The following CUEDC1 variants were observed in gnomAD, a reference collection of about 807,000 sequenced individuals.
CUEDC1 encodes the protein CUE domain-containing protein 1.
In CUEDC1, 30 loss-of-function variants were observed where a neutral mutation model predicts 43.7. The observed-to-expected ratio is 0.69, with a 90% CI of 0.51 to 0.93. The LOEUF (loss-of-function observed/expected upper bound fraction) is 0.93, where lower values mean the gene tolerates loss of function less well. CUEDC1 is among the 40% of genes least tolerant of loss of function. CUEDC1 has a pLI of 0.00. For synonymous variants in CUEDC1, 223 were observed against 223.6 expected (o/e 1.00, Z 0.02); for missense variants, 486 against 549.0 (o/e 0.89, Z 1.15).
chr17:57,943,446 A>G (rs2074934293), intron 1 of CUEDC1, among the ~76,000 whole-genome samples: 1 of 152,104 alleles, frequency 6.6e-6, no homozygotes. Context: ...CACCAAACAT[A>G]AGCCACGCTG....
At chr17:57,891,017 T>C (rs965972286) in intron 1 of CUEDC1, among the ~76,000 whole-genome samples, 23 of 152,344 alleles carry the variant, frequency 1.5e-4, no homozygotes, top group African/African-American at 5.1e-4. Context: ...CTGCTGTGGC[T>C]TGGGGCACAG....
chr17:57,952,914 T>G (rs62081793), intron 1 of CUEDC1, among the ~76,000 whole-genome samples: 6,801 of 151,970 alleles, frequency 0.045, 167 homozygotes, highest in South Asian at 0.07. Flanking sequence ...CAAACACCTA[T>G]GCAGCAGCCC....
At chr17:57,867,090 A>T (rs576843795) in intron 9 of CUEDC1, 1 of 547,948 alleles carries the variant, frequency 1.8e-6, no homozygotes, top group African/African-American at 1.9e-5. Flanking sequence ...CCAAAAGAAT[A>T]TTCCCCAGAA....
intron 6 of CUEDC1, among the ~76,000 whole-genome samples, chr17:57,870,530 G>T (rs997464599): frequency 6.6e-6 from 1 of 152,134 alleles, no homozygotes; most frequent in African/African-American, 2.4e-5. Flanking sequence ...CCATGCATTT[G>T]CTAAAATCAG....
intron 3 of CUEDC1, among the ~76,000 whole-genome samples, chr17:57,875,141 G>A (rs2074098685): frequency 6.6e-6 from 1 of 152,188 alleles, no homozygotes; most frequent in Admixed American, 6.5e-5. Flanking sequence ...GATGGGGAGA[G>A]AGGAAGCCTC....
At chr17:57,914,059 C>T (rs1382997905) in intron 1 of CUEDC1, among the ~76,000 whole-genome samples, 1 of 152,174 alleles carries the variant, frequency 6.6e-6, no homozygotes, top group African/African-American at 2.4e-5. Flanking sequence ...CGTTGGTGGC[C>T]CCAACAGATG....
intron 1 of CUEDC1, among the ~76,000 whole-genome samples, chr17:57,921,323 T>C (rs536305836): frequency 6.6e-6 from 1 of 152,288 alleles, no homozygotes; most frequent in South Asian, 2.1e-4. Context: ...TGCAAGGTGC[T>C]TGGCAATGCA....
At chr17:57,924,634 C>T (rs984566864) in intron 1 of CUEDC1, among the ~76,000 whole-genome samples, 18 of 152,030 alleles carry the variant, frequency 1.2e-4, no homozygotes, top group African/African-American at 3.1e-4. Flanking sequence ...TGGGTCCCAT[C>T]ACCCCACCCC....
At chr17:57,889,406 C>T (rs1394098736) in intron 1 of CUEDC1, among the ~76,000 whole-genome samples, 1 of 152,042 alleles carries the variant, frequency 6.6e-6, no homozygotes, top group Non-Finnish European at 1.5e-5. Flanking sequence ...TATTGATCCT[C>T]ATGGCCCCAG....
intron 1 of CUEDC1, among the ~76,000 whole-genome samples, chr17:57,898,802 C>A (rs1470672715): frequency 6.6e-6 from 1 of 152,186 alleles, no homozygotes; most frequent in Non-Finnish European, 1.5e-5. Flanking sequence ...GGCTCAGGGA[C>A]CCCAAGGGAG....
At chr17:57,893,709 G>T (rs1454792658) in intron 1 of CUEDC1, among the ~76,000 whole-genome samples, 2 of 152,356 alleles carry the variant, frequency 1.3e-5, no homozygotes, top group South Asian at 4.1e-4. Context: ...GGGAGGAGGA[G>T]GAGGAGCAGG....
In CUEDC1 at chr17:57,954,008, C is replaced by T. The variant is rs2075031470; in HGVS notation, c.-316+1217G>A. ...CACTGACCCCCAACAACAGAGAGGA[C>T]CCAGCTTCACACTTGATCCAGCAGG... On this transcript the variant is annotated intron_variant, in intron 1 of 10. Transcript: ENST00000577830. The surrounding 1 kb of genome is among the most constrained non-coding windows in gnomAD (Gnocchi z 4.3). 1.3e-5 allele frequency among the ~76,000 whole-genome samples: 2 copies of T among 152,196 alleles called. No homozygotes were observed. The highest frequency in any genetic ancestry group is 1.3e-4 in the Admixed American group (2 of 15,278).
intron 1 of CUEDC1, among the ~76,000 whole-genome samples, chr17:57,906,315 T>A (rs545194407): frequency 6.6e-6 from 1 of 152,384 alleles, no homozygotes; most frequent in Admixed American, 6.5e-5. Context: ...ACAATGTGGA[T>A]GAACCTTGAA....
chr17:57,936,606 C>T (rs1598021256), intron 1 of CUEDC1, among the ~76,000 whole-genome samples: 1 of 152,228 alleles, frequency 6.6e-6, no homozygotes, highest in South Asian at 2.1e-4. Flanking sequence ...GCAGTGCTGG[C>T]TCCAGGGCTG....
chr17:57,886,208 G>A (rs2074289161), intron 1 of CUEDC1, among the ~76,000 whole-genome samples: 1 of 152,228 alleles, frequency 6.6e-6, no homozygotes, highest in Non-Finnish European at 1.5e-5. Flanking sequence ...TAGACGCTGA[G>A]TTAGTGGAGG....
At chr17:57,953,770 C>T (rs747559387) in intron 1 of CUEDC1, among the ~76,000 whole-genome samples, 1 of 152,182 alleles carries the variant, frequency 6.6e-6, no homozygotes, top group Non-Finnish European at 1.5e-5. Flanking sequence ...CCTCGCTGTC[C>T]AGGGTCTCTC....
intron 1 of CUEDC1, among the ~76,000 whole-genome samples, chr17:57,907,853 AAAAATACTGTACCT>A (rs1255620391): frequency 6.6e-6 from 1 of 151,760 alleles, no homozygotes; most frequent in Admixed American, 6.6e-5. Flanking sequence ...AAAAAAAAAA[AAAAATACTGTACCT>A]ATCTAAAATG....
At chr17:57,949,499 C>G (rs1598029919) in intron 1 of CUEDC1, among the ~76,000 whole-genome samples, 2 of 151,320 alleles carry the variant, frequency 1.3e-5, no homozygotes, top group East Asian at 3.9e-4. Flanking sequence ...AATCCCACAA[C>G]CCCCCCAGCT....
At chr17:57,865,823 CTTTTTT>C (rs35170290) in intron 10 of CUEDC1, among the ~76,000 whole-genome samples, 37 of 134,704 alleles carry the variant, frequency 2.7e-4, no homozygotes, top group Admixed American at 9.8e-4. Flanking sequence ...TTTTCTTTTT[CTTTTTT>C]TTTTTTTTTT....
Sources: allele counts gnomAD v4.1 joint callset (sites outside exome capture counted in the v4.1 genomes callset), GRCh38; gene constraint gnomAD v4.1.1; non-coding constraint Gnocchi (gnomAD v3.1); transcripts MANE v1.5; gene names NCBI Gene and HGNC (gene_info 2026-07-23, HGNC 2026-07-21).